The following MAP4K3 variants were observed in gnomAD, a reference collection of about 807,000 sequenced individuals.
MAP4K3 encodes MAPK/ERK kinase kinase kinase 3.
A neutral mutation model predicts 143.5 loss-of-function variants in MAP4K3; 94 were observed. That is an observed-to-expected ratio of 0.65 (90% CI 0.55 to 0.78). MAP4K3 has a LOEUF of 0.78. Among genes scored for constraint, MAP4K3 ranks in the 30% least tolerant of loss-of-function variants. The pLI is 0.00. For synonymous variants in MAP4K3, 416 were observed against 347.2 expected (o/e 1.20, Z -2.20); for missense variants, 1,077 against 1,068.1 (o/e 1.01, Z -0.12).
intron 8 of MAP4K3, among the ~76,000 whole-genome samples, chr2:39,327,499 A>T (rs1683533744): frequency 6.6e-6 from 1 of 152,180 alleles, no homozygotes; most frequent in Non-Finnish European, 1.5e-5. Flanking sequence ...AATCCTAAAC[A>T]ATATTTTTAA....
At chr2:39,404,212 G>A (rs1293207978) in intron 1 of MAP4K3, among the ~76,000 whole-genome samples, 1 of 152,138 alleles carries the variant, frequency 6.6e-6, no homozygotes, top group African/African-American at 2.4e-5. Context: ...AGAGTAAAGG[G>A]GACTTGGTCT....
chr2:39,286,801 C>CA, intron 21 of MAP4K3, 51 bp downstream of exon 21: 1 of 1,139,656 alleles, frequency 8.8e-7, no homozygotes, highest in Non-Finnish European at 1.2e-6. Context: ...ACTAACTTAA[C>CA]AGTTAAAAAG....
At chr2:39,429,906 T>G (rs1222010686) in intron 1 of MAP4K3, among the ~76,000 whole-genome samples, 1 of 152,218 alleles carries the variant, frequency 6.6e-6, no homozygotes, top group Non-Finnish European at 1.5e-5. Flanking sequence ...TATACTCACA[T>G]GTGTACTGTC....
At chr2:39,264,487 A>G (rs1251158918) in intron 28 of MAP4K3, among the ~76,000 whole-genome samples, 1 of 152,184 alleles carries the variant, frequency 6.6e-6, no homozygotes, top group Admixed American at 6.5e-5. Flanking sequence ...AAACATCTTA[A>G]TACTATAAAA....
At chr2:39,389,177 A>G (rs945288892) in intron 1 of MAP4K3, among the ~76,000 whole-genome samples, 2 of 152,216 alleles carry the variant, frequency 1.3e-5, no homozygotes, top group Non-Finnish European at 2.9e-5. Context: ...CAGACAGGAC[A>G]AAAAGAACAA....
At chr2:39,398,478 A>C (rs981204330) in intron 1 of MAP4K3, among the ~76,000 whole-genome samples, 2 of 151,920 alleles carry the variant, frequency 1.3e-5, no homozygotes, top group African/African-American at 4.8e-5. Flanking sequence ...GTAATACATA[A>C]AATGAACTAA....
At chr2:39,396,392 T>C (rs1666806048) in intron 1 of MAP4K3, among the ~76,000 whole-genome samples, 1 of 151,794 alleles carries the variant, frequency 6.6e-6, no homozygotes, top group South Asian at 2.1e-4. Context: ...TTAGGTAAAA[T>C]AAGATAAAAG....
intron 2 of MAP4K3, among the ~76,000 whole-genome samples, chr2:39,377,201 C>CTTT (rs56149359): frequency 2.7e-5 from 3 of 110,588 alleles, no homozygotes; most frequent in South Asian, 3.2e-4. Context: ...GCTATTTGGC[C>CTTT]TTTTTTTTTT....
At chr2:39,367,045 G>C (rs1435282957) in intron 2 of MAP4K3, among the ~76,000 whole-genome samples, 3 of 152,054 alleles carry the variant, frequency 2.0e-5, no homozygotes, top group Non-Finnish European at 2.9e-5. Flanking sequence ...TTTCAGAAAT[G>C]AGAATGAAGA....
At chr2:39,271,824 T>C (rs1454335843) in intron 26 of MAP4K3, 1 of 157,436 alleles carries the variant, frequency 6.4e-6, no homozygotes, top group African/African-American at 2.4e-5. Context: ...CTTGAACTCC[T>C]AGCCTCAAGC....
chr2:39,388,075 C>A (rs760334475), intron 1 of MAP4K3, among the ~76,000 whole-genome samples: 15 of 152,140 alleles, frequency 9.9e-5, no homozygotes, highest in Non-Finnish European at 1.9e-4. Flanking sequence ...TGGACCTGTT[C>A]CATATCAATA....
chr2:39,418,081 T>C (rs1252920722), intron 1 of MAP4K3, among the ~76,000 whole-genome samples: 2 of 151,898 alleles, frequency 1.3e-5, no homozygotes, highest in East Asian at 1.9e-4. Flanking sequence ...CGCGTGCCTG[T>C]AGTCCCACGT....
intron 16 of MAP4K3, among the ~76,000 whole-genome samples, chr2:39,297,267 G>A (rs1682320272): frequency 6.6e-6 from 1 of 151,918 alleles, no homozygotes; most frequent in African/African-American, 2.4e-5. Context: ...TCAGGCGTGT[G>A]CCACCATGTC....
intron 8 of MAP4K3, among the ~76,000 whole-genome samples, chr2:39,328,959 T>C (rs770310568): frequency 2.0e-5 from 3 of 152,206 alleles, no homozygotes; most frequent in Non-Finnish European, 2.9e-5. Context: ...ACTGAATAAC[T>C]GCCGATCTAA....
In MAP4K3 at chr2:39,331,942, T is replaced by G. The variant is rs1331179587; in HGVS notation, c.505A>C (p.Lys169Gln). The change falls in exon 8 of 34, where the codon AAG becomes CAG. Residue 169 changes from lysine (K) to glutamine (Q), a missense_variant. By Grantham distance (53) the Lys-to-Gln change is moderately conservative. Around this residue, in one of 2 missense-constraint regions of MAP4K3, gnomAD observed 213 missense variants for 266.8 expected, o/e 0.80. Transcript: ENST00000263881. ...CAATATGGTGTGCCAATGAAAGACT[T>G]CCGTTTGGCAATTGTAGCTGTTATC... The part of the protein sequence containing the change: ...AQITATIAKR[K>Q]SFIGTPYWMA... 1 of 1,571,906 alleles carries G rather than the reference T, an allele frequency of 6.4e-7. No individual in the cohort carries two copies. Among genetic ancestry groups the G allele is most frequent in the South Asian group, 1.2e-5 (1 of 82,966 alleles).
chr2:39,269,424 G>C (rs1022525221), intron 26 of MAP4K3, among the ~76,000 whole-genome samples: 2 of 149,534 alleles, frequency 1.3e-5, no homozygotes, highest in African/African-American at 4.9e-5. Flanking sequence ...CCAATAAAGA[G>C]GTAGGTTACA....
At chr2:39,409,281 T>A (rs6727395) in intron 1 of MAP4K3, among the ~76,000 whole-genome samples, 10,821 of 152,312 alleles carry the variant, frequency 0.071, 465 homozygotes, top group Middle Eastern at 0.11. Flanking sequence ...ATTTATATTA[T>A]CAGTAAGACC....
intron 1 of MAP4K3, among the ~76,000 whole-genome samples, chr2:39,394,040 T>C (rs1666739436): frequency 6.6e-6 from 1 of 152,186 alleles, no homozygotes; most frequent in African/African-American, 2.4e-5. Context: ...CTAAGCTCCA[T>C]CAAGGCTTTG....
At chr2:39,360,804 C>T (rs190690827) in intron 2 of MAP4K3, among the ~76,000 whole-genome samples, 277 of 152,212 alleles carry the variant, frequency 1.8e-3, no homozygotes, top group Non-Finnish European at 3.0e-3. Context: ...CTCACTATCA[C>T]GAGAACAGCA....
Sources: gnomAD v4.1 joint callset for allele counts (sites outside exome capture counted in the v4.1 genomes callset) on GRCh38, gnomAD v4.1.1 for gene constraint, gnomAD v4.1.1 regional missense constraint, MANE v1.5 for transcripts, NCBI Gene and HGNC (gene_info 2026-07-23, HGNC 2026-07-21) for gene names.